Variants in PDE3B observed in about 807,000 individuals in gnomAD.
The protein encoded by PDE3B is cGMP-inhibited 3',5'-cyclic phosphodiesterase 3B.
A neutral mutation model predicts 116.8 loss-of-function variants in PDE3B; 66 were observed. The ratio of observed to expected loss-of-function variants is 0.56; its 90% CI spans 0.46 to 0.69. The LOEUF is 0.69. Among genes scored for constraint, PDE3B ranks in the 30% least tolerant of loss-of-function variants. PDE3B has a pLI of 0.00. For synonymous variants in PDE3B, 595 were observed against 533.6 expected (o/e 1.12, Z -1.59); for missense variants, 1,384 against 1,368.1 (o/e 1.01, Z -0.18).
chr11:14,684,872 T>A (rs972539396), intron 1 of PDE3B, among the ~76,000 whole-genome samples: 19 of 152,296 alleles, frequency 1.2e-4, no homozygotes, highest in Admixed American at 1.2e-3. Context: ...CAGTCAGACC[T>A]TATGGTTGTC....
chr11:14,668,935 C>T (rs1260031564), intron 1 of PDE3B, among the ~76,000 whole-genome samples: 2 of 152,140 alleles, frequency 1.3e-5, no homozygotes, highest in African/African-American at 4.8e-5. Context: ...TCCATTCTTG[C>T]ACAAGCCTCC....
chr11:14,813,560 A>G (rs1036563844), intron 5 of PDE3B, among the ~76,000 whole-genome samples: 5 of 152,202 alleles, frequency 3.3e-5, no homozygotes, highest in African/African-American at 7.2e-5. Flanking sequence ...GCACAACTAC[A>G]TAATCCAGGA....
At chr11:14,682,878 G>A (rs114655437) in intron 1 of PDE3B, among the ~76,000 whole-genome samples, 1 of 150,968 alleles carries the variant, frequency 6.6e-6, no homozygotes, top group African/African-American at 2.4e-5. Context: ...AGAAATGAGT[G>A]TATAGACCTG....
At chr11:14,879,078 T>A in the PDE3B span, 3 of 1,503,792 alleles carry the variant, frequency 2.0e-6, no homozygotes, top group Middle Eastern at 1.7e-4. Context: ...TCATTATCCT[T>A]TATTCTAAAG....
chr11:14,655,693 A>G (rs1853699230), intron 1 of PDE3B, among the ~76,000 whole-genome samples: 2 of 152,140 alleles, frequency 1.3e-5, no homozygotes, highest in African/African-American at 2.4e-5. Flanking sequence ...GGGGGAGTGT[A>G]TTGGAAGTCT....
In PDE3B at chr11:14,769,795, A is replaced by AT. The variant is rs565891950; in HGVS notation, c.979-2126dup. Among the ~76,000 whole-genome samples, 205 of 133,896 alleles carry AT rather than the reference A, an allele frequency of 1.5e-3. 1 individual carries two copies. Among genetic ancestry groups the AT allele is most frequent in the Middle Eastern group, 7.5e-3 (2 of 266 alleles). The allele number at this position is 133,896 out of a possible 152,430, so 87.8% of individuals were successfully genotyped here. On this transcript the variant is annotated intron_variant, in intron 1 of 15. Transcript: ENST00000282096. ...GCTACGAACCATTTTAATTTTCAAGATTTTTTTTTTTTTTTTGCCCCAAGA... is the reference window on the plus strand; with the variant it reads ...GCTACGAACCATTTTAATTTTCAAGATTTTTTTTTTTTTTTTTGCCCCAAGA...
Position 14,789,214 on chromosome 11 carries a change from A to G in PDE3B, c.1387A>G (p.Arg463Gly). 1 of 1,607,128 alleles carries G rather than the reference A, an allele frequency of 6.2e-7. No individual in the cohort carries two copies. Among genetic ancestry groups the G allele is most frequent in the Non-Finnish European group, 8.5e-7 (1 of 1,176,548 alleles). Residue 463 changes from arginine to glycine, a missense_variant, in exon 4 of 16, where the codon AGA becomes GGA. Arg to Gly is a moderately radical substitution (Grantham distance 125, BLOSUM62 -2). Around this residue, in one of 2 missense-constraint regions of PDE3B, gnomAD observed 956 missense variants for 806.8 expected, o/e 1.18. Coordinates refer to ENST00000282096, the MANE Select transcript of PDE3B (RefSeq NM_000922.4). ...AAGGTGGGATCGTAATAATGGCAAA[A>G]GACCTCACCAAGAATTTGGCATTTC... ...SSRWDRNNGK[R>G]PHQEFGISSQ...
intron 1 of PDE3B, among the ~76,000 whole-genome samples, chr11:14,768,874 G>C (rs1205222595): frequency 6.6e-6 from 1 of 151,500 alleles, no homozygotes; most frequent in Admixed American, 6.6e-5. Context: ...TCTAAGATGT[G>C]TACCTAGCTG....
At chr11:14,818,466 G>A in intron 6 of PDE3B, 73 bp downstream of exon 6, 1 of 991,328 alleles carries the variant, frequency 1.0e-6, no homozygotes, top group Non-Finnish European at 1.6e-6. Flanking sequence ...ATTTTGGATA[G>A]GTTCTTGGAA....
the PDE3B span, among the ~76,000 whole-genome samples, chr11:14,881,641 T>G: frequency 6.6e-6 from 1 of 152,080 alleles, no homozygotes; most frequent in Non-Finnish European, 1.5e-5. Context: ...TGGTGATAAG[T>G]GAGTTCTCGC....
intron 1 of PDE3B, among the ~76,000 whole-genome samples, chr11:14,715,527 G>A (rs925794172): frequency 1.3e-5 from 2 of 152,130 alleles, no homozygotes; most frequent in African/African-American, 4.8e-5. Flanking sequence ...AAGCAATTGT[G>A]AATGGCAGTT....
At chr11:14,879,262 A>G in the PDE3B span, 1 of 1,613,354 alleles carries the variant, frequency 6.2e-7, no homozygotes, top group Admixed American at 1.7e-5. Context: ...TGCCTTTAGG[A>G]ATGGAATAAC....
At chr11:14,778,176 A>C (rs1166068113) in intron 2 of PDE3B, among the ~76,000 whole-genome samples, 1 of 152,132 alleles carries the variant, frequency 6.6e-6, no homozygotes, top group Non-Finnish European at 1.5e-5. Flanking sequence ...TGAAGCTCAA[A>C]ATGGGTGGAG....
the PDE3B span, chr11:14,891,829 C>T: frequency 4.2e-6 from 6 of 1,421,754 alleles, no homozygotes; most frequent in Non-Finnish European, 4.6e-6. Flanking sequence ...CCCTTCCAGA[C>T]CCGGGAAGCG....
intron 13 of PDE3B, 53 bp downstream of exon 13, chr11:14,859,299 C>A: frequency 1.6e-6 from 2 of 1,246,860 alleles, no homozygotes; most frequent in Non-Finnish European, 2.3e-6. Context: ...GTCAGTGTTA[C>A]TGATAAAATA....
At chr11:14,688,101 CTCTCTCTCTCTT>C (rs1346192843) in intron 1 of PDE3B, among the ~76,000 whole-genome samples, 1 of 143,526 alleles carries the variant, frequency 7.0e-6, no homozygotes, top group African/African-American at 2.6e-5. Context: ...CTTTCTTTCT[CTCTCTCTCTCTT>C]TCTCTCTCTC....
intron 1 of PDE3B, among the ~76,000 whole-genome samples, chr11:14,692,945 A>G (rs1158936237): frequency 6.6e-6 from 1 of 152,216 alleles, no homozygotes; most frequent in Non-Finnish European, 1.5e-5. Context: ...TGAGCCAAAC[A>G]GTTAGTCAAG....
intron 12 of PDE3B, among the ~76,000 whole-genome samples, chr11:14,850,841 T>G (rs1423585766): frequency 6.6e-6 from 1 of 152,160 alleles, no homozygotes; most frequent in Admixed American, 6.5e-5. Flanking sequence ...CTTTGTTTTG[T>G]TTTTTGAGAC....
chr11:14,851,419 T>TA (rs1471267358), intron 12 of PDE3B, among the ~76,000 whole-genome samples: 1 of 152,096 alleles, frequency 6.6e-6, no homozygotes, highest in Non-Finnish European at 1.5e-5. Flanking sequence ...ATAGGAGATA[T>TA]ATTCTCTTGA....
Sources: allele counts gnomAD v4.1 joint callset (sites outside exome capture counted in the v4.1 genomes callset), GRCh38; gene constraint gnomAD v4.1.1; regional missense constraint gnomAD v4.1.1; transcripts MANE v1.5; gene names NCBI Gene and HGNC (gene_info 2026-07-23, HGNC 2026-07-21).